GRIK1: variants seen among roughly 807,000 people sequenced by gnomAD.
The protein encoded by GRIK1 is glutamate ionotropic receptor kainate type subunit 1.
In GRIK1, 69 loss-of-function variants were observed where a neutral mutation model predicts 105.7. That is an observed-to-expected ratio of 0.65 (90% confidence interval 0.54 to 0.80). The LOEUF (loss-of-function observed/expected upper bound fraction) is 0.80, where lower values mean the gene tolerates loss of function less well. GRIK1 is among the 30% of genes least tolerant of loss of function. The pLI is 0.00. For missense variants in GRIK1, 1,109 were observed against 1,167.3 expected (o/e 0.95, Z 0.73); for synonymous variants, 438 against 431.3 (o/e 1.02, Z -0.19).
At chr21:29,804,401 A>G (rs1459386477) in intron 1 of GRIK1, among the ~76,000 whole-genome samples, 1 of 152,076 alleles carries the variant, frequency 6.6e-6, no homozygotes, top group Admixed American at 6.6e-5. Flanking sequence ...CTTGAAAGAG[A>G]TTTCTTTAAT....
intron 6 of GRIK1, among the ~76,000 whole-genome samples, chr21:29,647,378 C>T (rs1490910341): frequency 1.3e-5 from 2 of 152,140 alleles, no homozygotes; most frequent in Non-Finnish European, 2.9e-5. Context: ...TTCATTATCT[C>T]GGAAGATTTT....
rs571244442 is a variant in GRIK1, at chr21:29,680,951, A to T, written c.545-7787T>A. Among the ~76,000 whole-genome samples the T allele has an allele frequency of 8.5e-5, 13 of 152,128 alleles. No individual in the cohort carries two copies. The South Asian group carries it at 2.5e-3, about 29-fold the overall frequency. ...AGTTCGGGACCAGCCTGACCGACAT[A>T]GTGAAACCCAGTCTCTACCAAAAAT... On this transcript the variant is annotated intron_variant, in intron 3 of 17. Coordinates refer to ENST00000327783, the MANE Select transcript of GRIK1 (RefSeq NM_001330994.2).
chr21:29,900,083 CA>C (rs10547423), intron 1 of GRIK1, among the ~76,000 whole-genome samples: 84,949 of 121,612 alleles, frequency 0.7, 29,187 homozygotes, highest in Non-Finnish European at 0.77. Flanking sequence ...GACTCTGTCT[CA>C]AAAAAAAAAA....
intron 1 of GRIK1, among the ~76,000 whole-genome samples, chr21:29,784,708 T>C (rs1007703935): frequency 1.6e-4 from 24 of 152,210 alleles, no homozygotes; most frequent in African/African-American, 5.8e-4. Context: ...ATTAATACTA[T>C]CCCATACATC....
intron 1 of GRIK1, among the ~76,000 whole-genome samples, chr21:29,747,943 C>A (rs1046235867): frequency 8.5e-5 from 13 of 152,320 alleles, no homozygotes; most frequent in South Asian, 2.1e-4. Context: ...TTTACAGCAA[C>A]CTTTTTCTCC....
At chr21:29,608,218 T>C (rs938690019) in intron 7 of GRIK1, among the ~76,000 whole-genome samples, 24 of 152,138 alleles carry the variant, frequency 1.6e-4, no homozygotes, top group African/African-American at 5.3e-4. Flanking sequence ...TGTATGTGTC[T>C]CTAGGGGGTT....
chr21:29,558,028 A>G (rs1409957449), intron 15 of GRIK1, among the ~76,000 whole-genome samples: 1 of 152,186 alleles, frequency 6.6e-6, no homozygotes, highest in Admixed American at 6.5e-5. Flanking sequence ...TCTCTGAGAA[A>G]GATAATTTTC....
At chr21:29,589,335 A>G (rs1240682952) in intron 10 of GRIK1, among the ~76,000 whole-genome samples, 1 of 151,982 alleles carries the variant, frequency 6.6e-6, no homozygotes, top group Non-Finnish European at 1.5e-5. Context: ...GGGTCTGAGA[A>G]GAAGGAAGGC....
chr21:29,894,468 T>C (rs1457306820), intron 1 of GRIK1, among the ~76,000 whole-genome samples: 3 of 152,212 alleles, frequency 2.0e-5, no homozygotes, highest in Non-Finnish European at 4.4e-5. Flanking sequence ...TCAGCAAGTC[T>C]GTTCTTCTGT....
At chr21:29,934,716 T>C (rs180836082) in intron 1 of GRIK1, among the ~76,000 whole-genome samples, 3 of 152,276 alleles carry the variant, frequency 2.0e-5, no homozygotes, top group African/African-American at 7.2e-5. Flanking sequence ...TTTCTGGTAT[T>C]TCTACCAGTA....
intron 6 of GRIK1, among the ~76,000 whole-genome samples, chr21:29,645,693 T>A (rs2062604246): frequency 6.6e-6 from 1 of 152,226 alleles, no homozygotes; most frequent in African/African-American, 2.4e-5. Context: ...CTTTCAGTTT[T>A]GTGCTCGAGG....
chr21:29,767,486 TA>T (rs2065696703), intron 1 of GRIK1, among the ~76,000 whole-genome samples: 1 of 149,302 alleles, frequency 6.7e-6, no homozygotes, highest in African/African-American at 2.5e-5. Flanking sequence ...GACCTTCATA[TA>T]AAAAAAGGTT....
chr21:29,630,707 C>G (rs2062248095), intron 7 of GRIK1: 3 of 401,232 alleles, frequency 7.5e-6, no homozygotes, highest in South Asian at 5.7e-5. Context: ...GACTTCTCAT[C>G]TACAGAAACT....
intron 1 of GRIK1, among the ~76,000 whole-genome samples, chr21:29,717,681 C>A (rs548586572): frequency 1.3e-5 from 2 of 152,374 alleles, no homozygotes; most frequent in South Asian, 4.1e-4. Flanking sequence ...TTTGATTTCA[C>A]AGGCTCATAG....
At chr21:29,931,241 A>G (rs1244695540) in intron 1 of GRIK1, among the ~76,000 whole-genome samples, 1 of 151,966 alleles carries the variant, frequency 6.6e-6, no homozygotes, top group African/African-American at 2.4e-5. Context: ...AGCACATTAC[A>G]TTTTTCTCAC....
At chr21:29,917,877 C>T (rs465616) in intron 1 of GRIK1, among the ~76,000 whole-genome samples, 35,401 of 151,672 alleles carry the variant, frequency 0.23, 4,890 homozygotes, top group African/African-American at 0.39. Context: ...CCTTCTCAAA[C>T]CATTCAGACA....
intron 1 of GRIK1, among the ~76,000 whole-genome samples, chr21:29,885,727 T>A (rs141986120): frequency 4.3e-4 from 66 of 152,184 alleles, no homozygotes; most frequent in African/African-American, 1.5e-3. Context: ...TGCTGTGCCA[T>A]CTCATGTTAA....
At chr21:29,893,231 T>C (rs1343255130) in intron 1 of GRIK1, among the ~76,000 whole-genome samples, 3 of 152,254 alleles carry the variant, frequency 2.0e-5, no homozygotes, top group African/African-American at 7.2e-5. Flanking sequence ...CAGATTCATC[T>C]TAGGTTTGAA....
chr21:29,711,988 C>A (rs965421135), intron 1 of GRIK1, among the ~76,000 whole-genome samples: 14 of 150,894 alleles, frequency 9.3e-5, no homozygotes, highest in Non-Finnish European at 1.8e-4. Context: ...TTACTGATAT[C>A]AAGATTTGGG....
Sources: gnomAD v4.1 joint callset for allele counts (sites outside exome capture counted in the v4.1 genomes callset) on GRCh38, gnomAD v4.1.1 for gene constraint, MANE v1.5 for transcripts, NCBI Gene and HGNC (gene_info 2026-07-23, HGNC 2026-07-21) for gene names.